The following LSG1 variants were observed in gnomAD, a reference collection of about 807,000 sequenced individuals.
LSG1 encodes the protein large 60S subunit nuclear export GTPase 1, also known as large subunit GTPase 1 homolog.
LSG1 carries 55 observed loss-of-function variants against 82.6 expected under a neutral mutation model. The ratio of observed to expected loss-of-function variants is 0.67; its 90% confidence interval spans 0.54 to 0.83. The LOEUF is 0.83. Among genes scored for constraint, LSG1 ranks in the 40% least tolerant of loss-of-function variants. The pLI is 0.00. For missense variants in LSG1, 809 were observed against 807.9 expected, an observed-to-expected ratio of 1.00 and a Z score of -0.02; for synonymous variants, 272 against 282.5, an observed-to-expected ratio of 0.96 and a Z score of 0.37.
chr3:194,663,047 G>A (rs1253681350), intron 5 of LSG1, among the ~76,000 whole-genome samples: 2 of 152,210 alleles, frequency 1.3e-5, no homozygotes, highest in Non-Finnish European at 2.9e-5. Context: ...AAAGAGGAAA[G>A]ACAGATAATA....
In LSG1 at chr3:194,651,285, T is replaced by C. The variant is rs540914184; in HGVS notation, c.1174-69A>G. 94 of 1,059,002 alleles carry C rather than the reference T, an allele frequency of 8.9e-5. No individual in the cohort carries two copies. In the South Asian group the frequency reaches 1.1e-3, roughly 13 times the overall value. 65.6% of individuals were successfully genotyped at this position (1,059,002 alleles called of 1,614,324 possible). A position where few individuals can be genotyped will look rare whatever the true frequency, so the allele number is the denominator to read the frequency against. ...TATCAAAAGACTCAAAGATATGACA[T>C]AGATGGTGGCAAGACTAGCATAAGC... On this transcript the variant is annotated intron_variant, in intron 8 of 13. Transcript: ENST00000265245.
At chr3:194,666,821 C>G (rs1719039185) in intron 2 of LSG1, among the ~76,000 whole-genome samples, 1 of 152,064 alleles carries the variant, frequency 6.6e-6, no homozygotes, top group Non-Finnish European at 1.5e-5. Flanking sequence ...TCACATTTTC[C>G]CTGCTATTGA....
intron 13 of LSG1, among the ~76,000 whole-genome samples, chr3:194,643,265 T>C (rs1189155976): frequency 6.6e-6 from 1 of 152,262 alleles, no homozygotes. Context: ...TCTGTTTCTT[T>C]AGCACTTTCT....
chr3:194,648,593 A>G lies in LSG1; in HGVS notation c.1543+88T>C, dbSNP rs942137734. On this transcript the variant is annotated intron_variant, in intron 11 of 13. Transcript: ENST00000265245. ...TTATAAATGTGTATCTTTGCAGAAC[A>G]GCAATTCTAGTACTATTACTATTCT... is the stretch of plus-strand genomic sequence containing the variant. 8.1e-6 allele frequency: 11 copies of G among 1,354,376 alleles called. No homozygotes were observed. The African/African-American group carries it at 1.6e-4, about 20-fold the overall frequency. 83.9% of individuals were successfully genotyped at this position (1,354,376 alleles called of 1,614,324 possible). A position where few individuals can be genotyped will look rare whatever the true frequency, so the allele number is the denominator to read the frequency against.
intron 1 of LSG1, among the ~76,000 whole-genome samples, chr3:194,670,913 C>G (rs961985542): frequency 1.4e-5 from 2 of 138,466 alleles, no homozygotes; most frequent in Non-Finnish European, 3.4e-5. Context: ...GACCCTGTCT[C>G]TCCAAAACAA....
At position 194,641,838 on chromosome 3, in the gene LSG1, G is replaced by A. The variant is rs75620628; in HGVS notation, c.*230C>T. On this transcript the variant is annotated 3_prime_UTR_variant, in exon 14 of 14. Coordinates refer to ENST00000265245, the MANE Select transcript of LSG1 (RefSeq NM_018385.3). The stretch of plus-strand genomic sequence containing the variant: ...TCCATGTTGGTGCGTGAGCCACTGT[G>A]CCCGGCCAGGAGTAGGATTCTCGGG... 17 of 417,858 alleles carry A rather than the reference G, an allele frequency of 4.1e-5. No homozygotes were observed. The highest frequency in any genetic ancestry group is 1.5e-4 in the East Asian group (4 of 26,728). 25.9% of individuals were successfully genotyped at this position (417,858 alleles called of 1,614,324 possible).
intron 2 of LSG1, among the ~76,000 whole-genome samples, chr3:194,669,806 C>A (rs1226665461): frequency 6.6e-6 from 1 of 152,166 alleles, no homozygotes; most frequent in African/African-American, 2.4e-5. Context: ...GCAGTGCGTG[C>A]CTGTAGTCCT....
chr3:194,662,304 C>T (rs920669177), intron 5 of LSG1, among the ~76,000 whole-genome samples: 4 of 152,186 alleles, frequency 2.6e-5, no homozygotes, highest in African/African-American at 9.7e-5. Context: ...TGACAAGTTC[C>T]AGGACTGGGA....
intron 12 of LSG1, among the ~76,000 whole-genome samples, chr3:194,645,721 A>G (rs1175911212): frequency 5.3e-5 from 8 of 152,232 alleles, no homozygotes; most frequent in Non-Finnish European, 8.8e-5. Context: ...CTCATTTGAA[A>G]AGGAGAAATA....
Position 194,641,971 on chromosome 3 carries a change from A to T in LSG1, c.*97T>A. On this transcript the variant is annotated 3_prime_UTR_variant, in exon 14 of 14. Transcript: ENST00000265245. Reference sequence around the variant, plus strand: ...GCTCTGCAAGAGCAGGGCCCGTTCTACAGTGCTAGTGTCTTGGGACGGTTC... The same window carrying T: ...GCTCTGCAAGAGCAGGGCCCGTTCTTCAGTGCTAGTGTCTTGGGACGGTTC... 1 of 1,338,672 alleles carries T rather than the reference A, an allele frequency of 7.5e-7. No homozygotes were observed. The highest frequency in any genetic ancestry group is 1.0e-6 in the Non-Finnish European group (1 of 967,808). The allele number at this position is 1,338,672 out of a possible 1,614,324, so 82.9% of individuals were successfully genotyped here.
In LSG1 at chr3:194,660,104, C is replaced by T. The variant is rs537601352; in HGVS notation, c.551G>A (p.Arg184Gln). The T allele has an allele frequency of 1.5e-5, 24 of 1,614,038 alleles. No homozygotes were observed. The East Asian group carries it at 1.8e-4, about 12-fold the overall frequency. ...CTCACATCTAAACAGGAGTGGGTTT[C>T]GAGCATCTACTATCTGGACCACAAT... ...SDIVVQIVDA[R>Q]NPLLFRCEDL... The change falls in exon 6 of 14, where the codon CGA becomes CAA. Residue 184 changes from arginine (R) to glutamine (Q), a missense_variant. Coordinates refer to ENST00000265245, the MANE Select transcript of LSG1 (RefSeq NM_018385.3).
In LSG1 at chr3:194,661,919, T is replaced by C. The variant is rs545398159; in HGVS notation, c.522-1786A>G. ...ATGTACAGGCTCACTTGGGAAATTA[T>C]TAGGGACATAAACAGTGTAAGAGGG... On this transcript the variant is annotated intron_variant, in intron 5 of 13. Transcript: ENST00000265245. Among the ~76,000 whole-genome samples the C allele has an allele frequency of 2.6e-5, 4 of 152,300 alleles. No individual in the cohort carries two copies. In the East Asian group the frequency reaches 7.7e-4, roughly 29 times the overall value.
intron 11 of LSG1, 69 bp downstream of exon 11, chr3:194,648,612 C>T: frequency 1.4e-6 from 2 of 1,474,386 alleles, no homozygotes; most frequent in Non-Finnish European, 1.9e-6. Flanking sequence ...AGTACTATTA[C>T]TATTCTTATT....
Position 194,652,826 on chromosome 3 carries a change from T to C in LSG1, c.1076A>G (p.Asn359Ser), listed in dbSNP as rs1328887576. The C allele has an allele frequency of 2.5e-6, 4 of 1,614,134 alleles. No individual in the cohort carries two copies. Among genetic ancestry groups the C allele is most frequent in the Admixed American group, 1.7e-5 (1 of 60,018 alleles). The change falls in exon 8 of 14, where the codon AAT (asparagine) becomes AGT (serine). Residue 359 changes from asparagine to serine, a missense_variant. Coordinates refer to ENST00000265245, the MANE Select transcript of LSG1 (RefSeq NM_018385.3). ...CTGCTTGGATACCAGATGGCTAAAA[T>C]TGTGTATCTGCCTCTTCTGTGGGGT... is the stretch of plus-strand genomic sequence containing the variant. ...RKTPQKRQIH[N>S]FSHLVSKQEL...
chr3:194,645,521 C>CACACAGACAG (rs1718509246), intron 12 of LSG1: 2 of 48,338 alleles, frequency 4.1e-5, no homozygotes, highest in Non-Finnish European at 9.4e-5. Context: ...CACACACACA[C>CACACAGACAG]ACACACACAG....
intron 12 of LSG1, chr3:194,644,969 GA>G (rs992824605): frequency 5.2e-6 from 2 of 385,928 alleles, no homozygotes; most frequent in African/African-American, 4.1e-5. Context: ...AGACTAGGAT[GA>G]AATCTCTTTC....
chr3:194,642,357 G>A, intron 13 of LSG1, 110 bp from the exon 14 acceptor site: 1 of 828,766 alleles, frequency 1.2e-6, no homozygotes, highest in South Asian at 2.5e-5. Flanking sequence ...CAGTCACTGG[G>A]TGAACTTCCG....
chr3:194,665,668 A>G, intron 4 of LSG1, 25 bp from the exon 5 acceptor site: 1 of 1,425,972 alleles, frequency 7.0e-7, no homozygotes. Context: ...AGAAGTTTAT[A>G]TATTTGCCAG....
intron 2 of LSG1, among the ~76,000 whole-genome samples, chr3:194,669,373 A>G (rs184009365): frequency 7.6e-4 from 116 of 152,234 alleles, no homozygotes; most frequent in African/African-American, 2.8e-3. Context: ...ACATCCCCCC[A>G]AAAAACACTA....
Sources: gnomAD v4.1 joint callset for allele counts (sites outside exome capture counted in the v4.1 genomes callset) on GRCh38, gnomAD v4.1.1 for gene constraint, MANE v1.5 for transcripts, NCBI Gene and HGNC (gene_info 2026-07-23, HGNC 2026-07-21) for gene names.